Variants in OSBPL10 observed in about 807,000 individuals in gnomAD.
The protein encoded by OSBPL10 is oxysterol-binding protein-related protein 10.
OSBPL10 carries 49 observed loss-of-function variants against 81.7 expected under a neutral mutation model. The observed-to-expected ratio is 0.60, with a 90% CI of 0.48 to 0.76. OSBPL10 has a LOEUF of 0.76. OSBPL10 is among the 30% of genes least tolerant of loss of function. The pLI, the probability that OSBPL10 is intolerant of heterozygous loss-of-function variation, is 0.00. For synonymous variants in OSBPL10, 419 were observed against 383.6 expected (o/e 1.09, Z -1.08); for missense variants, 923 against 987.8 (o/e 0.93, Z 0.88).
At chr3:31,816,778 C>A (rs148788233) in intron 4 of OSBPL10, among the ~76,000 whole-genome samples, 5 of 152,112 alleles carry the variant, frequency 3.3e-5, no homozygotes, top group African/African-American at 1.2e-4. Flanking sequence ...AGACCCGTAG[C>A]GGGTGACTCC....
chr3:31,785,259 A>C (rs1333723205), intron 4 of OSBPL10, among the ~76,000 whole-genome samples: 1 of 152,236 alleles, frequency 6.6e-6, no homozygotes, highest in African/African-American at 2.4e-5. Flanking sequence ...AAAACTGTAT[A>C]TATGACCTCA....
intron 1 of OSBPL10, among the ~76,000 whole-genome samples, chr3:31,882,333 C>T (rs1388826331): frequency 6.6e-6 from 1 of 152,140 alleles, no homozygotes; most frequent in Non-Finnish European, 1.5e-5. Flanking sequence ...TCATGAACAG[C>T]GTGGATAAAC....
intron 3 of OSBPL10, among the ~76,000 whole-genome samples, chr3:31,847,497 C>T (rs1351198517): frequency 1.3e-5 from 2 of 152,104 alleles, no homozygotes; most frequent in African/African-American, 4.8e-5. Flanking sequence ...CCTATTACTT[C>T]TCTCACTGTG....
chr3:31,856,072 A>T (rs1363475779), intron 3 of OSBPL10, among the ~76,000 whole-genome samples: 3 of 13,744 alleles, frequency 2.2e-4, no homozygotes, highest in African/African-American at 6.0e-4. Context: ...TTTATATTAC[A>T]CACACACACA....
intron 1 of OSBPL10, among the ~76,000 whole-genome samples, chr3:31,955,165 G>C (rs1389044998): frequency 6.6e-6 from 1 of 152,046 alleles, no homozygotes; most frequent in Non-Finnish European, 1.5e-5. Context: ...TCAGACAAAA[G>C]AAAAAAGGAA....
intron 1 of OSBPL10, among the ~76,000 whole-genome samples, chr3:31,964,056 T>C (rs547185357): frequency 6.6e-6 from 1 of 152,242 alleles, no homozygotes; most frequent in South Asian, 2.1e-4. Flanking sequence ...CAGGTAAATC[T>C]CCCTATTGAG....
intron 11 of OSBPL10, chr3:31,663,287 GAAC>G: frequency 3.0e-6 from 3 of 985,246 alleles, no homozygotes; most frequent in Non-Finnish European, 3.6e-6. Context: ...GGCTCCTCAT[GAAC>G]AACTAGACAA....
intron 3 of OSBPL10, among the ~76,000 whole-genome samples, chr3:31,873,039 T>C (rs1701370261): frequency 6.6e-6 from 1 of 152,196 alleles, no homozygotes; most frequent in South Asian, 2.1e-4. Flanking sequence ...CAGTTGCCAG[T>C]TGCAGAGGGG....
chr3:32,028,557 A>G (rs1699437019), intron 2 of OSBPL10, among the ~76,000 whole-genome samples: 1 of 152,166 alleles, frequency 6.6e-6, no homozygotes, highest in South Asian at 2.1e-4. Flanking sequence ...ATATACACAC[A>G]CAATATACAC....
intron 8 of OSBPL10, among the ~76,000 whole-genome samples, chr3:31,673,728 G>T (rs1700383449): frequency 6.6e-6 from 1 of 152,200 alleles, no homozygotes; most frequent in Non-Finnish European, 1.5e-5. Flanking sequence ...ACCGTGCTTT[G>T]AATTTTGGTC....
intron 2 of OSBPL10, among the ~76,000 whole-genome samples, chr3:32,026,072 T>C (rs1699408355): frequency 1.9e-5 from 2 of 105,908 alleles, no homozygotes; most frequent in African/African-American, 5.8e-5. Context: ...GATAGATAGA[T>C]AGATAGATAG....
At chr3:31,793,764 T>C (rs781629076) in intron 4 of OSBPL10, among the ~76,000 whole-genome samples, 8 of 152,246 alleles carry the variant, frequency 5.3e-5, no homozygotes, top group Non-Finnish European at 1.0e-4. Context: ...ATTTAAAAAG[T>C]GGTTTTTTGA....
chr3:31,959,702 C>T (rs9847964), intron 1 of OSBPL10, among the ~76,000 whole-genome samples: 46,858 of 152,016 alleles, frequency 0.31, 7,460 homozygotes, highest in African/African-American at 0.33. Context: ...GAAGCATATT[C>T]TGTTTCTTGT....
intron 2 of OSBPL10, among the ~76,000 whole-genome samples, chr3:31,996,731 G>A (rs1311453743): frequency 6.6e-6 from 1 of 152,050 alleles, no homozygotes; most frequent in Non-Finnish European, 1.5e-5. Context: ...ATAGAAGAAA[G>A]AAAGCAAAAG....
At chr3:31,918,602 G>A (rs1696824389) in intron 1 of OSBPL10, among the ~76,000 whole-genome samples, 1 of 152,134 alleles carries the variant, frequency 6.6e-6, no homozygotes. Context: ...ACAAATGAAA[G>A]TAAGCAAGTC....
At chr3:31,928,190 A>G (rs966038070) in intron 1 of OSBPL10, among the ~76,000 whole-genome samples, 1 of 152,194 alleles carries the variant, frequency 6.6e-6, no homozygotes, top group Non-Finnish European at 1.5e-5. Flanking sequence ...CTCTACAGAA[A>G]ATGAGCACTT....
rs1553631714 is a variant in OSBPL10, at chr3:31,833,705, G to GCGCACACACA, written c.538-3475_538-3474insTGTGTGTGCG. Among the ~76,000 whole-genome samples the GCGCACACACA allele has an allele frequency of 3.6e-5, 5 of 138,038 alleles. No homozygotes were observed. In the East Asian group the frequency reaches 8.9e-4, roughly 24 times the overall value. 90.6% of individuals were successfully genotyped at this position (138,038 alleles called of 152,430 possible). A position where few individuals can be genotyped will look rare whatever the true frequency, so the allele number is the denominator to read the frequency against. ...GTAGGGAAAACACGCACACGCACAC[G>GCGCACACACA]CACACACACACACACACACACACAC... is the stretch of plus-strand genomic sequence containing the variant. On this transcript the variant is annotated intron_variant, in intron 3 of 11. Coordinates refer to ENST00000396556, the MANE Select transcript of OSBPL10 (RefSeq NM_017784.5).
At chr3:31,796,518 T>A (rs1290165105) in intron 4 of OSBPL10, among the ~76,000 whole-genome samples, 1 of 152,192 alleles carries the variant, frequency 6.6e-6, no homozygotes, top group African/African-American at 2.4e-5. Flanking sequence ...CAATCCCCTG[T>A]GGATACCAAG....
At chr3:31,857,838 GAAA>G (rs1359648116) in intron 3 of OSBPL10, among the ~76,000 whole-genome samples, 2 of 97,722 alleles carry the variant, frequency 2.0e-5, no homozygotes, top group Admixed American at 9.1e-5. Context: ...GAGGGAGAGG[GAAA>G]GAGGGAGGGA....
Sources: allele counts gnomAD v4.1 joint callset (sites outside exome capture counted in the v4.1 genomes callset), GRCh38; gene constraint gnomAD v4.1.1; transcripts MANE v1.5; gene names NCBI Gene and HGNC (gene_info 2026-07-23, HGNC 2026-07-21).